Variants in RBFOX1 observed in about 807,000 individuals in gnomAD.
The protein encoded by RBFOX1 is RNA binding fox-1 homolog 1.
A neutral mutation model predicts 57.7 loss-of-function variants in RBFOX1; 8 were observed. The observed-to-expected ratio is 0.14, with a 90% CI of 0.08 to 0.25. RBFOX1 has a LOEUF of 0.25. Ranked by LOEUF, RBFOX1 falls within the 10% of genes least tolerant of loss-of-function variation. RBFOX1 has a pLI of 1.00. For missense variants in RBFOX1, 611 were observed against 548.5 expected (o/e 1.11, Z -1.14); for synonymous variants, 326 against 222.4 (o/e 1.47, Z -4.15).
intron 5 of RBFOX1, among the ~76,000 whole-genome samples, chr16:7,527,953 G>A (rs976438813): frequency 5.9e-5 from 9 of 152,170 alleles, no homozygotes; most frequent in Non-Finnish European, 1.0e-4. Context: ...TATTTTAAAG[G>A]TAATTTTGTA....
At chr16:7,039,068 G>T (rs887211487) in intron 3 of RBFOX1, among the ~76,000 whole-genome samples, 4 of 152,014 alleles carry the variant, frequency 2.6e-5, no homozygotes, top group African/African-American at 9.7e-5. Flanking sequence ...CTCACTAAAT[G>T]TGTTGTCCTG....
chr16:5,595,820 G>C (rs2047161787), intron 2 of RBFOX1, among the ~76,000 whole-genome samples: 1 of 152,190 alleles, frequency 6.6e-6, no homozygotes, highest in South Asian at 2.1e-4. Flanking sequence ...AGAGCTTGCT[G>C]CTTTGTTCAG....
At chr16:5,907,768 G>C (rs2058498173) in intron 4 of RBFOX1, among the ~76,000 whole-genome samples, 1 of 131,884 alleles carries the variant, frequency 7.6e-6, no homozygotes, top group African/African-American at 4.0e-5. Context: ...ATCATCATTT[G>C]AGATGGCATC....
rs2059429500 is a variant in RBFOX1, at chr16:5,947,669, T to C, written c.351+80334T>C. On this transcript the variant is annotated intron_variant, in intron 4 of 19. Transcript: ENST00000641259. This position sits in a 1 kb window ranked among gnomAD's most constrained non-coding sequence, Gnocchi z 7.2. ...ATGGCATCCCTTACCATCTTCCTTCTCTATTGTAAATCTGCCCTTTTGAGA... is the reference window on the plus strand; with the variant it reads ...ATGGCATCCCTTACCATCTTCCTTCCCTATTGTAAATCTGCCCTTTTGAGA... Among the ~76,000 whole-genome samples the C allele has an allele frequency of 1.3e-5, 2 of 152,170 alleles. 1 individual carries two copies. The highest frequency in any genetic ancestry group is 4.8e-5 in the African/African-American group (2 of 41,438).
At position 6,929,739 on chromosome 16, in the gene RBFOX1, G is replaced by T. The variant is rs2076202723; in HGVS notation, c.-15-122318G>T. ...TTAACACATTTATTATTTATGAAAT[G>T]CAGAGGAAAATAGAAATGATCGTTT... On this transcript the variant is annotated intron_variant, in intron 3 of 15. Transcript: ENST00000550418. 2.0e-5 allele frequency among the ~76,000 whole-genome samples: 3 copies of T among 152,096 alleles called. No individual in the cohort carries two copies. In the South Asian group the frequency reaches 6.2e-4, roughly 32 times the overall value.
intron 12 of RBFOX1, among the ~76,000 whole-genome samples, chr16:7,663,533 T>G (rs899604689): frequency 7.7e-6 from 1 of 129,560 alleles, no homozygotes; most frequent in Non-Finnish European, 1.6e-5. Flanking sequence ...GTGTGTGTGT[T>G]GTAAAATGCC....
intron 4 of RBFOX1, among the ~76,000 whole-genome samples, chr16:7,485,646 TTCTA>T (rs1212876435): frequency 6.6e-6 from 1 of 152,212 alleles, no homozygotes; most frequent in Middle Eastern, 3.2e-3. Context: ...TAGAAGATTG[TTCTA>T]TCTAAACATG....
chr16:7,598,252 G>A (rs559148954), intron 9 of RBFOX1, among the ~76,000 whole-genome samples: 231 of 152,152 alleles, frequency 1.5e-3, no homozygotes, highest in Non-Finnish European at 2.7e-3. Context: ...CCATTAAAAT[G>A]AGCAGGATAA....
At chr16:6,731,144 G>A (rs1309099759) in intron 3 of RBFOX1, among the ~76,000 whole-genome samples, 1 of 152,044 alleles carries the variant, frequency 6.6e-6, no homozygotes. Flanking sequence ...GAATACAGAG[G>A]GACTGCTGAG....
At chr16:7,529,259 T>C (rs1265630863) in intron 5 of RBFOX1, among the ~76,000 whole-genome samples, 1 of 152,144 alleles carries the variant, frequency 6.6e-6, no homozygotes, top group African/African-American at 2.4e-5. Context: ...AGACTCTGTC[T>C]CAAAAACAAC....
rs569690752 is a variant in RBFOX1, at chr16:6,953,812, T to C, written c.-15-98245T>C. ...AGATTTCAAACTGGTTTGCAACTGA[T>C]AGAACCGAGAAAAATAACTCTTGGA... On this transcript the variant is annotated intron_variant, in intron 3 of 15. Coordinates refer to ENST00000550418, the MANE Select transcript of RBFOX1 (RefSeq NM_018723.4). Among the ~76,000 whole-genome samples, 123 of 152,346 alleles carry C rather than the reference T, an allele frequency of 8.1e-4. 1 individual carries two copies. The highest frequency in any genetic ancestry group is 5.6e-4 in the Non-Finnish European group (38 of 68,034).
At chr16:6,841,434 C>G (rs1384263513) in intron 3 of RBFOX1, among the ~76,000 whole-genome samples, 1 of 152,010 alleles carries the variant, frequency 6.6e-6, no homozygotes, top group Non-Finnish European at 1.5e-5. Context: ...TAATTTTTTT[C>G]TTTTGTTTGC....
intron 1 of RBFOX1, among the ~76,000 whole-genome samples, chr16:5,251,030 C>T (rs1221423122): frequency 6.6e-6 from 1 of 152,168 alleles, no homozygotes; most frequent in African/African-American, 2.4e-5. Flanking sequence ...GGCACGACCG[C>T]CCCTCTTTCT....
chr16:5,644,998 G>A (rs55813438), intron 3 of RBFOX1, among the ~76,000 whole-genome samples: 88,873 of 151,718 alleles, frequency 0.59, 30,796 homozygotes, highest in Non-Finnish European at 0.76. Flanking sequence ...CACTTTGGGA[G>A]GCTGAGGCGA....
intron 4 of RBFOX1, among the ~76,000 whole-genome samples, chr16:5,961,116 G>C (rs1230997385): frequency 6.6e-6 from 1 of 152,134 alleles, no homozygotes; most frequent in Non-Finnish European, 1.5e-5. Context: ...CAACCCTCTG[G>C]CAGAAATATC....
chr16:6,988,069 C>T (rs535207316), intron 3 of RBFOX1, among the ~76,000 whole-genome samples: 25 of 152,136 alleles, frequency 1.6e-4, no homozygotes, highest in African/African-American at 5.1e-4. Context: ...CATTCCACAG[C>T]CAGTAAATGG....
At chr16:5,406,071 G>A (rs937971986) in intron 1 of RBFOX1, among the ~76,000 whole-genome samples, 2 of 152,104 alleles carry the variant, frequency 1.3e-5, no homozygotes, top group African/African-American at 4.8e-5. Flanking sequence ...GCAACCAAAG[G>A]CATTCCAACT....
chr16:5,859,989 C>T (rs1043819077), intron 3 of RBFOX1, among the ~76,000 whole-genome samples: 3 of 152,188 alleles, frequency 2.0e-5, no homozygotes, highest in African/African-American at 7.2e-5. Flanking sequence ...CTAGATGTAG[C>T]CTCTGCAACA....
intron 4 of RBFOX1, among the ~76,000 whole-genome samples, chr16:7,404,072 A>G (rs2098293405): frequency 4.6e-5 from 1 of 21,726 alleles, no homozygotes; most frequent in Non-Finnish European, 1.5e-4. Flanking sequence ...TATTTTATTG[A>G]GACGGAGTCT....
Sources: gnomAD v4.1 joint callset for allele counts (sites outside exome capture counted in the v4.1 genomes callset) on GRCh38, gnomAD v4.1.1 for gene constraint, Gnocchi (gnomAD v3.1) non-coding constraint, MANE v1.5 for transcripts, NCBI Gene and HGNC (gene_info 2026-07-23, HGNC 2026-07-21) for gene names.